The following COG6 variants were observed in gnomAD, a reference collection of about 807,000 sequenced individuals.
COG6 encodes conserved oligomeric Golgi complex subunit 6.
In COG6, 74 loss-of-function variants were observed where a neutral mutation model predicts 88.8. The observed-to-expected ratio is 0.83, with a 90% CI of 0.69 to 1.01. The LOEUF is 1.01. Among genes scored for constraint, COG6 ranks in the 50% least tolerant of loss-of-function variants. COG6 has a pLI of 0.00. For missense variants in COG6, 800 were observed against 797.9 expected (o/e 1.00, Z -0.03); for synonymous variants, 286 against 278.7 (o/e 1.03, Z -0.26).
intron 4 of COG6, among the ~76,000 whole-genome samples, chr13:39,670,449 T>A (rs7326555): frequency 6.6e-6 from 1 of 151,832 alleles, no homozygotes; most frequent in East Asian, 1.9e-4. Flanking sequence ...AAGACAAAAA[T>A]CTGAATCTTA....
chr13:39,751,121 T>C lies in COG6; in HGVS notation c.*28T>C. On this transcript the variant is annotated 3_prime_UTR_variant, in exon 19 of 19. Coordinates refer to ENST00000455146, the MANE Select transcript of COG6 (RefSeq NM_020751.3). The stretch of plus-strand genomic sequence containing the variant: ...ATCTTATTTCATTGTGTTAGCAAAA[T>C]ATGACCTCCCTAAAACACTGAAGGT... 1.9e-6 allele frequency: 3 copies of C among 1,612,606 alleles called. No homozygotes were observed. The highest frequency in any genetic ancestry group is 1.7e-6 in the Non-Finnish European group (2 of 1,179,120).
At chr13:39,672,193 C>A (rs1264293398) in intron 4 of COG6, among the ~76,000 whole-genome samples, 2 of 151,826 alleles carry the variant, frequency 1.3e-5, no homozygotes, top group Non-Finnish European at 1.5e-5. Context: ...GTATTAGATG[C>A]CTTTTAAGCT....
At position 39,752,083 on chromosome 13, in the gene COG6, A is replaced by G. The variant is rs1158873866; in HGVS notation, c.*990A>G. 1 of 1,285,240 alleles carries G rather than the reference A, an allele frequency of 7.8e-7. No individual in the cohort carries two copies. Among genetic ancestry groups the G allele is most frequent in the South Asian group, 1.2e-5 (1 of 80,574 alleles). 79.6% of individuals were successfully genotyped at this position (1,285,240 alleles called of 1,614,324 possible). On this transcript the variant is annotated 3_prime_UTR_variant, in exon 19 of 19. Coordinates refer to ENST00000455146, the MANE Select transcript of COG6 (RefSeq NM_020751.3). ...CTTTAGACCATTACCTATTAGGAAG[A>G]TTAAAAATGACTGTATTTTTAAAGG...
At position 39,752,209 on chromosome 13, in the gene COG6, G is replaced by C. The variant is rs1408439759; in HGVS notation, c.*1116G>C. 3 of 1,092,828 alleles carry C rather than the reference G, an allele frequency of 2.7e-6. No individual in the cohort carries two copies. The highest frequency in any genetic ancestry group is 3.5e-6 in the Non-Finnish European group (3 of 854,296). The allele number at this position is 1,092,828 out of a possible 1,614,324, so 67.7% of individuals were successfully genotyped here. On this transcript the variant is annotated 3_prime_UTR_variant, in exon 19 of 19. Transcript: ENST00000455146. The stretch of plus-strand genomic sequence containing the variant: ...GGGTAAGTCCCTAAATTACAAATGA[G>C]AAAATTGAAGCACAAGGAAAAAAAT...
At chr13:39,691,806 A>G (rs535689323) in intron 11 of COG6, among the ~76,000 whole-genome samples, 3 of 152,082 alleles carry the variant, frequency 2.0e-5, no homozygotes, top group South Asian at 2.1e-4. Flanking sequence ...CTAGTGATCA[A>G]TCTGCTCTTG....
intron 5 of COG6, chr13:39,679,206 TC>T (rs1876158679): frequency 3.2e-6 from 1 of 312,542 alleles, no homozygotes; most frequent in Non-Finnish European, 6.0e-6. Context: ...ATACTTTTTT[TC>T]ATGTAGTAAT....
intron 17 of COG6, among the ~76,000 whole-genome samples, chr13:39,726,470 A>G (rs1451579398): frequency 6.6e-6 from 1 of 151,954 alleles, no homozygotes; most frequent in African/African-American, 2.4e-5. Flanking sequence ...TTCTATCAGT[A>G]ACCAAGTCCT....
chr13:39,719,538 A>T, intron 14 of COG6, 122 bp from the exon 15 acceptor site: 1 of 1,198,066 alleles, frequency 8.3e-7, no homozygotes, highest in South Asian at 1.3e-5. Flanking sequence ...TTTATGTTTA[A>T]TCTTTTCCTA....
At position 39,655,768 on chromosome 13, in the gene COG6, CG is replaced by C; in HGVS notation, c.46del (p.Ala16LeufsTer39). 6.3e-7 allele frequency: 1 copy of C among 1,593,424 alleles called. No homozygotes were observed. Among genetic ancestry groups the C allele is most frequent in the Admixed American group, 1.7e-5 (1 of 58,168 alleles). On this transcript the variant is annotated frameshift_variant, in exon 1 of 19. Coordinates refer to ENST00000455146, the MANE Select transcript of COG6 (RefSeq NM_020751.3). LOFTEE classifies it high-confidence loss of function. ...SGEVVAVSAT[G>X]AANGLNNGAG... The stretch of plus-strand genomic sequence containing the variant: ...GGGAAGTGGTCGCAGTGTCTGCGAC[CG>C]GGGCTGCCAACGGCCTCAACAATGG...
At chr13:39,758,431 A>G (rs1436604803) in intron 18 of COG6, among the ~76,000 whole-genome samples, 2 of 152,134 alleles carry the variant, frequency 1.3e-5, no homozygotes, top group Non-Finnish European at 2.9e-5. Flanking sequence ...AAGTGTGCCA[A>G]GTATTTGAAT....
At chr13:39,774,985 T>A (rs1294247396) in intron 18 of COG6, among the ~76,000 whole-genome samples, 3 of 152,180 alleles carry the variant, frequency 2.0e-5, no homozygotes, top group African/African-American at 7.2e-5. Context: ...TAAAAGAGGC[T>A]ATAAAAATGC....
chr13:39,776,669 G>T (rs985601042), intron 18 of COG6, among the ~76,000 whole-genome samples: 1 of 152,134 alleles, frequency 6.6e-6, no homozygotes, highest in Non-Finnish European at 1.5e-5. Flanking sequence ...CACTAATTCA[G>T]CCAGTACCCT....
chr13:39,713,730 C>G (rs576000954), intron 13 of COG6, among the ~76,000 whole-genome samples: 77 of 151,714 alleles, frequency 5.1e-4, no homozygotes, highest in African/African-American at 1.8e-3. Flanking sequence ...AGTGAGACTC[C>G]ATCTCAAAAA....
rs373066715 is a variant in COG6, at chr13:39,751,053, T to C, written c.1934T>C (p.Leu645Pro). 1 of 1,613,772 alleles carries C rather than the reference T, an allele frequency of 6.2e-7. No homozygotes were observed. The highest frequency in any genetic ancestry group is 8.5e-7 in the Non-Finnish European group (1 of 1,179,822). Residue 645 changes from leucine (L) to proline (P), a missense_variant, in exon 19 of 19, where the codon CTT becomes CCT. Coordinates refer to ENST00000455146, the MANE Select transcript of COG6 (RefSeq NM_020751.3). ...INEYKDPENI[L>P]HRSPQQVQTL... ...GAATACAAAGATCCAGAGAACATTC[T>C]TCACCGATCGCCGCAGCAAGTGCAG... is the stretch of plus-strand genomic sequence containing the variant.
rs574699598 is a variant in COG6 at position 39,744,155 on chromosome 13, C to G, written c.1827-6791C>G. Among the ~76,000 whole-genome samples, 43 of 152,062 alleles carry G rather than the reference C, an allele frequency of 2.8e-4. No individual in the cohort carries two copies. In the South Asian group the frequency reaches 7.1e-3, roughly 25 times the overall value. Reference sequence around the variant, plus strand: ...AACCCACAGCCAATATCATACTGAACAGGCAAAAACTGGAAGCATTCCCTT... The same window carrying G: ...AACCCACAGCCAATATCATACTGAAGAGGCAAAAACTGGAAGCATTCCCTT... On this transcript the variant is annotated intron_variant, in intron 18 of 18. Transcript: ENST00000455146.
chr13:39,769,491 T>C (rs1301144601), intron 18 of COG6, among the ~76,000 whole-genome samples: 2 of 152,248 alleles, frequency 1.3e-5, no homozygotes, highest in African/African-American at 4.8e-5. Context: ...GTAGGAATTA[T>C]AAATTGCATT....
chr13:39,783,240 A>G (rs1881681452), intron 18 of COG6, among the ~76,000 whole-genome samples: 1 of 152,214 alleles, frequency 6.6e-6, no homozygotes, highest in African/African-American at 2.4e-5. Flanking sequence ...AGACAAAGCT[A>G]TATCATTCAA....
intron 13 of COG6, among the ~76,000 whole-genome samples, chr13:39,712,554 T>A (rs1878299641): frequency 6.6e-6 from 1 of 152,218 alleles, no homozygotes; most frequent in African/African-American, 2.4e-5. Context: ...TAAAACATTG[T>A]GAAAGATAGA....
chr13:39,709,756 A>G (rs953905019), intron 13 of COG6, among the ~76,000 whole-genome samples: 4 of 152,088 alleles, frequency 2.6e-5, no homozygotes, highest in African/African-American at 9.7e-5. Flanking sequence ...TGTTATATGT[A>G]CACACACACC....
Sources: allele counts gnomAD v4.1 joint callset (sites outside exome capture counted in the v4.1 genomes callset), GRCh38; gene constraint gnomAD v4.1.1; transcripts MANE v1.5; gene names NCBI Gene and HGNC (gene_info 2026-07-23, HGNC 2026-07-21).